The following DLGAP2 variants were observed in gnomAD, a reference collection of about 807,000 sequenced individuals.
The protein encoded by DLGAP2 is disks large-associated protein 2.
Under a neutral mutation model 100.3 loss-of-function variants are expected in DLGAP2, and 26 were observed. The ratio of observed to expected loss-of-function variants is 0.26; its 90% CI spans 0.19 to 0.36. The LOEUF (loss-of-function observed/expected upper bound fraction) is 0.36. DLGAP2 is among the 10% of genes least tolerant of loss of function. DLGAP2 has a pLI of 1.00. For missense variants in DLGAP2, 1,858 were observed against 1,453.2 expected (o/e 1.28, Z -4.53); for synonymous variants, 886 against 630.1 (o/e 1.41, Z -6.08).
rs542980644 is a variant in DLGAP2 at position 791,917 on chromosome 8, C to A, written c.18+54092C>A. Among the ~76,000 whole-genome samples, 3 of 152,310 alleles carry A rather than the reference C, an allele frequency of 2.0e-5. No individual in the cohort carries two copies. In the South Asian group the frequency reaches 6.2e-4, roughly 32 times the overall value. On this transcript the variant is annotated intron_variant, in intron 1 of 14. Transcript: ENST00000637795. ...TTGCACACCCCATTGGAGTTAACCCCTAACGACGTCGCATGTGTTTCCTAA... is the reference window on the plus strand; with the variant it reads ...TTGCACACCCCATTGGAGTTAACCCATAACGACGTCGCATGTGTTTCCTAA...
chr8:923,422 T>G (rs1296038819), intron 2 of DLGAP2, among the ~76,000 whole-genome samples: 1 of 152,198 alleles, frequency 6.6e-6, no homozygotes, highest in Non-Finnish European at 1.5e-5. Context: ...TGGGTGTGAG[T>G]GCTGATGCCG....
intron 2 of DLGAP2, among the ~76,000 whole-genome samples, chr8:1,199,704 C>T (rs537049229): frequency 7.2e-5 from 11 of 152,202 alleles, no homozygotes; most frequent in Non-Finnish European, 1.3e-4. Flanking sequence ...TATTTGCACT[C>T]GGTGGCTCTC....
chr8:1,451,183 A>T (rs970649004), intron 3 of DLGAP2, among the ~76,000 whole-genome samples: 6 of 152,080 alleles, frequency 3.9e-5, no homozygotes, highest in African/African-American at 1.4e-4. Context: ...TGCTGCATGC[A>T]GGCCATATTT....
chr8:1,619,716 C>T (rs1027297406), intron 6 of DLGAP2: 2 of 152,204 alleles, frequency 1.3e-5, no homozygotes, highest in African/African-American at 4.8e-5. Flanking sequence ...TCACAGAACT[C>T]CATAAGTTAT....
In DLGAP2 at chr8:1,701,184, T is replaced by A. The variant is rs1799556568; in HGVS notation, c.2950-4T>A. On this transcript the variant is annotated splice_polypyrimidine_tract_variant and splice_region_variant and intron_variant, in intron 14 of 14. Coordinates refer to ENST00000637795, the MANE Select transcript of DLGAP2 (RefSeq NM_001346810.2). Reference sequence around the variant, plus strand: ...TGCCAACGGTGACTTGCGCTGCTTTTCAGGAAGAAAGAAAGGTCCCGCCTC... The same window carrying A: ...TGCCAACGGTGACTTGCGCTGCTTTACAGGAAGAAAGAAAGGTCCCGCCTC... 1 of 1,555,352 alleles carries A rather than the reference T, an allele frequency of 6.4e-7. No individual in the cohort carries two copies. Among genetic ancestry groups the A allele is most frequent in the Admixed American group, 2.0e-5 (1 of 50,760 alleles).
intron 1 of DLGAP2, among the ~76,000 whole-genome samples, chr8:854,354 A>G (rs1457488176): frequency 6.6e-6 from 1 of 152,082 alleles, no homozygotes; most frequent in Non-Finnish European, 1.5e-5. Context: ...GGAGGCAAAA[A>G]GGACAGAGTG....
intron 2 of DLGAP2, among the ~76,000 whole-genome samples, chr8:1,244,055 C>T (rs1234160741): frequency 6.6e-6 from 1 of 152,068 alleles, no homozygotes. Context: ...AGCCTCCGCA[C>T]TCCACCGTAG....
Position 1,507,196 on chromosome 8 carries a change from G to A in DLGAP2, c.172+5765G>A, listed in dbSNP as rs535033944. ...TGGAGGGTCAATGGGACCGGGCGCC[G>A]CGGAGCAGGGGGCAGCGTCCATCAG... On this transcript the variant is annotated intron_variant, in intron 4 of 14. Transcript: ENST00000637795. 2.6e-4 allele frequency among the ~76,000 whole-genome samples: 40 copies of A among 152,342 alleles called. No homozygotes were observed. In the East Asian group the frequency reaches 5.4e-3, roughly 21 times the overall value.
At chr8:1,139,092 C>G (rs929540260) in intron 2 of DLGAP2, among the ~76,000 whole-genome samples, 1 of 152,236 alleles carries the variant, frequency 6.6e-6, no homozygotes, top group South Asian at 2.1e-4. Flanking sequence ...TCAGGTGTTT[C>G]CTCGGGTGAT....
intron 2 of DLGAP2, among the ~76,000 whole-genome samples, chr8:1,011,241 A>G (rs1391754609): frequency 1.6e-4 from 22 of 137,080 alleles, no homozygotes; most frequent in South Asian, 2.4e-4. Flanking sequence ...GTCTCAGTCT[A>G]CACAGTGAGC....
chr8:1,604,239 G>C (rs114680103), intron 6 of DLGAP2, among the ~76,000 whole-genome samples: 1 of 152,178 alleles, frequency 6.6e-6, no homozygotes, highest in Non-Finnish European at 1.5e-5. Context: ...AAATGCACTG[G>C]AGTTTGCTGA....
chr8:748,237 G>A (rs549245109), intron 1 of DLGAP2, among the ~76,000 whole-genome samples: 106 of 139,140 alleles, frequency 7.6e-4, no homozygotes, highest in Non-Finnish European at 1.3e-3. Context: ...CGGTGGGATG[G>A]GCGGGTCTGC....
chr8:784,535 G>A (rs1821786129), intron 1 of DLGAP2, among the ~76,000 whole-genome samples: 1 of 152,228 alleles, frequency 6.6e-6, no homozygotes, highest in Admixed American at 6.5e-5. Flanking sequence ...ATGGATAATG[G>A]CTGGTATCAA....
intron 1 of DLGAP2, among the ~76,000 whole-genome samples, chr8:821,941 G>T (rs1309154783): frequency 2.6e-5 from 4 of 152,200 alleles, no homozygotes; most frequent in Non-Finnish European, 4.4e-5. Flanking sequence ...TACAGTTTCT[G>T]TGCCTACTTC....
chr8:1,191,545 C>T (rs377046084), intron 2 of DLGAP2, among the ~76,000 whole-genome samples: 16 of 152,354 alleles, frequency 1.1e-4, no homozygotes, highest in African/African-American at 3.8e-4. Flanking sequence ...AAAGTGTTAT[C>T]TCTTGAAATT....
chr8:1,510,576 G>C (rs901497450), intron 4 of DLGAP2, among the ~76,000 whole-genome samples: 1 of 152,216 alleles, frequency 6.6e-6, no homozygotes, highest in African/African-American at 2.4e-5. Context: ...GGCTCCCTGC[G>C]TTCTGGTGCC....
At chr8:892,091 G>A (rs577404082) in intron 1 of DLGAP2, among the ~76,000 whole-genome samples, 1 of 152,362 alleles carries the variant, frequency 6.6e-6, no homozygotes, top group African/African-American at 2.4e-5. Context: ...TGGGTCCTGG[G>A]TGTTGCTGCT....
chr8:1,296,389 T>C (rs939438791), intron 3 of DLGAP2, among the ~76,000 whole-genome samples: 7 of 152,146 alleles, frequency 4.6e-5, no homozygotes, highest in African/African-American at 1.7e-4. Flanking sequence ...TGCATGTGCC[T>C]TGTAACTTCC....
chr8:997,382 T>C (rs1800810843), intron 2 of DLGAP2, among the ~76,000 whole-genome samples: 1 of 152,232 alleles, frequency 6.6e-6, no homozygotes, highest in African/African-American at 2.4e-5. Context: ...CTTTTTAGAT[T>C]ATCTTTTTTT....
Sources: allele counts gnomAD v4.1 joint callset (sites outside exome capture counted in the v4.1 genomes callset), GRCh38; gene constraint gnomAD v4.1.1; transcripts MANE v1.5; gene names NCBI Gene and HGNC (gene_info 2026-07-23, HGNC 2026-07-21).